The following RBM43 variants were observed in gnomAD, a reference collection of about 807,000 sequenced individuals.
The protein encoded by RBM43 is RNA binding motif protein 43.
A neutral mutation model predicts 12.4 loss-of-function variants in RBM43; 12 were observed. The ratio of observed to expected loss-of-function variants is 0.97; its 90% CI spans 0.62 to 1.57. The LOEUF (loss-of-function observed/expected upper bound fraction) is 1.57. RBM43 is among the 40% of genes most tolerant of loss of function. The pLI is 0.00. For synonymous variants in RBM43, 138 were observed against 145.7 expected (o/e 0.95, Z 0.38); for missense variants, 348 against 400.1 (o/e 0.87, Z 1.11).
intron 1 of RBM43, 94 bp downstream of exon 1, chr2:151,261,631 G>T: frequency 6.4e-7 from 1 of 1,551,272 alleles, no homozygotes; most frequent in Non-Finnish European, 8.7e-7. Flanking sequence ...CTGCACCCTG[G>T]CCCGTCGCGC....
At chr2:151,261,199 G>C (rs976018329) in intron 1 of RBM43, 7 of 1,490,466 alleles carry the variant, frequency 4.7e-6, no homozygotes, top group Non-Finnish European at 6.3e-6. Context: ...ACAAGAATTC[G>C]CACCAAGGCA....
intron 1 of RBM43, chr2:151,260,954 T>C (rs1214107767): frequency 3.1e-6 from 1 of 324,736 alleles, no homozygotes; most frequent in Non-Finnish European, 5.9e-6. Flanking sequence ...AAGTAAGGCA[T>C]TGGGAAGAAA....
At position 151,255,695 on chromosome 2, in the gene RBM43, C is replaced by A. The variant is rs1415628153; in HGVS notation, c.52G>T (p.Val18Leu). The change falls in exon 2 of 4, where the codon GTA (valine) becomes TTA (leucine). Residue 18 changes from valine to leucine, a missense_variant. By Grantham distance (32) the Val-to-Leu change is conservative (BLOSUM62 1). Transcript: ENST00000331426. ...AGGTCAACTGGAAGACCAGCAACTA[C>A]AACCGTTCTTTCAGGAGCTTTGGAT... ...KESKAPERTV[V>L]VAGLPVDLFS... The A allele has an allele frequency of 6.2e-7, 1 of 1,613,902 alleles. No homozygotes were observed. The highest frequency in any genetic ancestry group is 8.5e-7 in the Non-Finnish European group (1 of 1,179,988).
intron 2 of RBM43, among the ~76,000 whole-genome samples, chr2:151,253,335 T>C (rs1236480882): frequency 6.6e-6 from 1 of 152,178 alleles, no homozygotes; most frequent in East Asian, 1.9e-4. Flanking sequence ...ACCATCTCTA[T>C]GGCTTTAGAC....
intron 1 of RBM43, chr2:151,261,304 G>A: frequency 6.4e-7 from 1 of 1,550,554 alleles, no homozygotes; most frequent in Non-Finnish European, 8.7e-7. Flanking sequence ...CTCCATTTCT[G>A]GCTAATCAGG....
rs2105186706 is a variant in RBM43 at position 151,248,142 on chromosome 2, C to T, written c.*2764G>A. ...AAGCAGTTTGAGTCACTCACCAGTGCACTAAATTGAACAAAAAATAGTTAA... is the reference window on the plus strand; with the variant it reads ...AAGCAGTTTGAGTCACTCACCAGTGTACTAAATTGAACAAAAAATAGTTAA... On this transcript the variant is annotated 3_prime_UTR_variant, in exon 4 of 4. Transcript: ENST00000331426. 1 of 152,156 alleles carries T rather than the reference C, an allele frequency of 6.6e-6. No homozygotes were observed. Among genetic ancestry groups the T allele is most frequent in the Non-Finnish European group, 1.5e-5 (1 of 67,966 alleles). 9.4% of individuals were successfully genotyped at this position (152,156 alleles called of 1,614,324 possible).
At position 151,251,518 on chromosome 2, in the gene RBM43, T is replaced by A; in HGVS notation, c.462A>T (p.Gly154=). 6.2e-7 allele frequency: 1 copy of A among 1,614,222 alleles called. No homozygotes were observed. The highest frequency in any genetic ancestry group is 2.2e-5 in the East Asian group (1 of 44,884). ...LKPNGRISVE[G]SFLAVKRLRE... Reference sequence around the variant, plus strand: ...TGAGCCTCTTGACAGCCAGAAATGATCCTTCCACGGAGATTCTTCCATTGG... The same window carrying A: ...TGAGCCTCTTGACAGCCAGAAATGAACCTTCCACGGAGATTCTTCCATTGG... Residue 154 remains glycine, a synonymous_variant, in exon 4 of 4, where the codon GGA becomes GGT. Transcript: ENST00000331426.
In RBM43 at chr2:151,261,797, A is replaced by G. The variant is rs967576439; in HGVS notation, c.-70T>C. ...CCAGCGGAACGCAGGCGATGGGGAG[A>G]GGAGCGAGCAGGCAGGTTTTGGTTT... On this transcript the variant is annotated 5_prime_UTR_variant, in exon 1 of 4. Coordinates refer to ENST00000331426, the MANE Select transcript of RBM43 (RefSeq NM_198557.3). 1.9e-5 allele frequency: 30 copies of G among 1,546,058 alleles called. No homozygotes were observed. Among genetic ancestry groups the G allele is most frequent in the African/African-American group, 2.8e-5 (2 of 72,064 alleles).
At chr2:151,260,684 T>C (rs1017192979) in intron 1 of RBM43, among the ~76,000 whole-genome samples, 2 of 152,234 alleles carry the variant, frequency 1.3e-5, no homozygotes, top group African/African-American at 4.8e-5. Context: ...CTCCCTTTCA[T>C]AGGTTGGAGA....
chr2:151,255,872 A>G, intron 1 of RBM43, 129 bp from the exon 2 acceptor site: 1 of 673,278 alleles, frequency 1.5e-6, no homozygotes, highest in Non-Finnish European at 2.6e-6. Flanking sequence ...ATACTTTTTA[A>G]AAGGGGTGTA....
rs1682860378 is a variant in RBM43, at chr2:151,249,273, G to A, written c.*1633C>T. On this transcript the variant is annotated 3_prime_UTR_variant, in exon 4 of 4. Transcript: ENST00000331426. ...CACAAAACTAAATTTAATGTTTTGA[G>A]AAGAAAGAATTTCAATTCTAGGTGA... is the stretch of plus-strand genomic sequence containing the variant. The A allele has an allele frequency of 6.6e-6, 1 of 151,684 alleles. No homozygotes were observed. Among genetic ancestry groups the A allele is most frequent in the South Asian group, 2.1e-4 (1 of 4,820 alleles). The allele number at this position is 151,684 out of a possible 1,614,324, so 9.4% of individuals were successfully genotyped here. A position where few individuals can be genotyped will look rare whatever the true frequency, so the allele number is the denominator to read the frequency against.
chr2:151,252,114 T>C (rs570017195), intron 3 of RBM43, among the ~76,000 whole-genome samples: 75 of 152,342 alleles, frequency 4.9e-4, no homozygotes, highest in African/African-American at 1.7e-3. Context: ...TCTTACTTTC[T>C]GTCTCTTCAA....
chr2:151,261,479 C>A (rs1204272903), intron 1 of RBM43: 2 of 1,550,434 alleles, frequency 1.3e-6, no homozygotes, highest in African/African-American at 1.4e-5. Flanking sequence ...CACCGCCGTA[C>A]GTGAATTTCA....
chr2:151,252,594 T>A (rs1682916412), intron 3 of RBM43, among the ~76,000 whole-genome samples, 161 bp downstream of exon 3: 2 of 152,148 alleles, frequency 1.3e-5, no homozygotes, highest in Non-Finnish European at 2.9e-5. Flanking sequence ...TAACCAAAAT[T>A]TCAAGGGCCA....
Position 151,248,164 on chromosome 2 carries a change from T to C in RBM43, c.*2742A>G, listed in dbSNP as rs941663736. The stretch of plus-strand genomic sequence containing the variant: ...GTGCACTAAATTGAACAAAAAATAG[T>C]TAACTGTGAAAGTGTGCTGAATTAT... On this transcript the variant is annotated 3_prime_UTR_variant, in exon 4 of 4. Coordinates refer to ENST00000331426, the MANE Select transcript of RBM43 (RefSeq NM_198557.3). 1 of 152,152 alleles carries C rather than the reference T, an allele frequency of 6.6e-6. No individual in the cohort carries two copies. The highest frequency in any genetic ancestry group is 2.4e-5 in the African/African-American group (1 of 41,450). 9.4% of individuals were successfully genotyped at this position (152,152 alleles called of 1,614,324 possible).
At chr2:151,259,409 G>A in intron 1 of RBM43, among the ~76,000 whole-genome samples, 1 of 152,142 alleles carries the variant, frequency 6.6e-6, no homozygotes, top group East Asian at 1.9e-4. Context: ...ACTTTGGGAA[G>A]ATGAGGTGGG....
At chr2:151,252,025 A>G (rs1682909481) in intron 3 of RBM43, among the ~76,000 whole-genome samples, 1 of 152,202 alleles carries the variant, frequency 6.6e-6, no homozygotes, top group Non-Finnish European at 1.5e-5. Context: ...AGTTCATCAG[A>G]TGGCTGCATA....
At chr2:151,256,388 A>C (rs1450296814) in intron 1 of RBM43, among the ~76,000 whole-genome samples, 1 of 152,248 alleles carries the variant, frequency 6.6e-6, no homozygotes, top group Non-Finnish European at 1.5e-5. Flanking sequence ...AATTAAAAAT[A>C]AGTCAAACTA....
At position 151,250,598 on chromosome 2, in the gene RBM43, CAAA is replaced by C. The variant is rs34911765; in HGVS notation, c.*305_*307del. On this transcript the variant is annotated 3_prime_UTR_variant, in exon 4 of 4. Coordinates refer to ENST00000331426, the MANE Select transcript of RBM43 (RefSeq NM_198557.3). ...TGGACAACAGAGCGAGACTCCATCT[CAAA>C]AAAAAAAAAAAAAAAGTTTGGTGAG... The C allele has an allele frequency of 1.9e-4, 24 of 123,308 alleles. No homozygotes were observed. Among genetic ancestry groups the C allele is most frequent in the East Asian group, 4.5e-4 (2 of 4,416 alleles). 7.6% of individuals were successfully genotyped at this position (123,308 alleles called of 1,614,324 possible). A position where few individuals can be genotyped will look rare whatever the true frequency, so the allele number is the denominator to read the frequency against.
Sources: gnomAD v4.1 joint callset for allele counts (sites outside exome capture counted in the v4.1 genomes callset) on GRCh38, gnomAD v4.1.1 for gene constraint, MANE v1.5 for transcripts, NCBI Gene and HGNC (gene_info 2026-07-23, HGNC 2026-07-21) for gene names.